The following CLSTN2 variants were observed in gnomAD, a reference collection of about 807,000 sequenced individuals.
The protein encoded by CLSTN2 is calsyntenin 2.
In CLSTN2, 48 loss-of-function variants were observed where a neutral mutation model predicts 101.2. The ratio of observed to expected loss-of-function variants is 0.47; its 90% confidence interval spans 0.38 to 0.60. The LOEUF (loss-of-function observed/expected upper bound fraction) is 0.60, where lower values mean the gene tolerates loss of function less well. CLSTN2 is among the 20% of genes least tolerant of loss of function. The pLI is 0.00. For synonymous variants in CLSTN2, 481 were observed against 463.6 expected (o/e 1.04, Z -0.48); for missense variants, 1,160 against 1,238.2 (o/e 0.94, Z 0.95).
chr3:139,958,431 ATTACT>A (rs1475870371), intron 1 of CLSTN2, among the ~76,000 whole-genome samples: 2 of 152,082 alleles, frequency 1.3e-5, no homozygotes, highest in Non-Finnish European at 2.9e-5. Context: ...TGCCTCAGTG[ATTACT>A]TTTCTTTTGA....
At chr3:140,139,227 G>A (rs554183160) in intron 1 of CLSTN2, among the ~76,000 whole-genome samples, 1 of 152,328 alleles carries the variant, frequency 6.6e-6, no homozygotes, top group East Asian at 1.9e-4. Flanking sequence ...TCTCAGCTCA[G>A]TTCCTGGCCT....
chr3:140,106,729 G>T (rs946274093), intron 1 of CLSTN2, among the ~76,000 whole-genome samples: 1 of 152,096 alleles, frequency 6.6e-6, no homozygotes, highest in African/African-American at 2.4e-5. Flanking sequence ...CAGAAGAAAG[G>T]CTGTCTACAA....
chr3:140,390,690 T>C (rs2088104827), intron 2 of CLSTN2, among the ~76,000 whole-genome samples: 1 of 152,248 alleles, frequency 6.6e-6, no homozygotes, highest in African/African-American at 2.4e-5. Context: ...GGAGTGTCTA[T>C]TTCTCCCTTT....
intron 2 of CLSTN2, among the ~76,000 whole-genome samples, chr3:140,270,867 A>G (rs543505833): frequency 2.0e-5 from 3 of 152,282 alleles, no homozygotes; most frequent in South Asian, 4.2e-4. Flanking sequence ...TGTGGCCCCA[A>G]GGGAAGACTT....
intron 1 of CLSTN2, among the ~76,000 whole-genome samples, chr3:140,030,491 T>A (rs1465310285): frequency 6.6e-6 from 1 of 152,134 alleles, no homozygotes; most frequent in African/African-American, 2.4e-5. Flanking sequence ...TTCCCTTTTT[T>A]AAAAATTAGT....
chr3:139,970,228 C>T (rs1935671434), intron 1 of CLSTN2, among the ~76,000 whole-genome samples: 1 of 152,070 alleles, frequency 6.6e-6, no homozygotes, highest in Non-Finnish European at 1.5e-5. Flanking sequence ...GGCTAACCTG[C>T]CTGAGTAAGT....
intron 1 of CLSTN2, among the ~76,000 whole-genome samples, chr3:140,016,367 T>G (rs955138193): frequency 1.3e-5 from 2 of 152,206 alleles, no homozygotes; most frequent in Admixed American, 6.5e-5. Flanking sequence ...TTAGAAAACA[T>G]CTGACGTGCT....
intron 1 of CLSTN2, among the ~76,000 whole-genome samples, chr3:140,101,318 T>G (rs2008961468): frequency 6.6e-6 from 1 of 152,216 alleles, no homozygotes. Context: ...CACCAAGCAG[T>G]AATAGTAATA....
rs187578661 is a variant in CLSTN2, at chr3:140,451,552, C to A, written c.973+2848C>A. On this transcript the variant is annotated intron_variant, in intron 6 of 16. Transcript: ENST00000458420. ...ATCAGTCCTGCCTCTACATTAGAAG[C>A]CTGGCTTTTGAACTGCACTGGAGGA... Among the ~76,000 whole-genome samples the A allele has an allele frequency of 1.8e-4, 27 of 152,238 alleles. No individual in the cohort carries two copies. The East Asian group carries it at 5.0e-3, about 28-fold the overall frequency.
intron 1 of CLSTN2, among the ~76,000 whole-genome samples, chr3:140,027,081 T>C (rs4683467): frequency 0.91 from 138,439 of 152,214 alleles, 64,157 homozygotes; most frequent in South Asian, 1. Flanking sequence ...AGACCTTTGA[T>C]CATATCAGCC....
chr3:140,073,981 C>A (rs1360008496), intron 1 of CLSTN2, among the ~76,000 whole-genome samples: 3 of 152,144 alleles, frequency 2.0e-5, no homozygotes, highest in African/African-American at 7.2e-5. Flanking sequence ...GGCTGAAGAG[C>A]ATGATGCCTT....
chr3:140,545,930 G>A (rs1367009016), intron 9 of CLSTN2, among the ~76,000 whole-genome samples: 2 of 152,224 alleles, frequency 1.3e-5, no homozygotes, highest in African/African-American at 2.4e-5. Flanking sequence ...GAGAAAGCCA[G>A]AGCTCATAAA....
chr3:139,964,249 G>A (rs1017718967), intron 1 of CLSTN2, among the ~76,000 whole-genome samples: 5 of 152,140 alleles, frequency 3.3e-5, no homozygotes, highest in African/African-American at 1.2e-4. Context: ...TTGGGTTCTG[G>A]CAGTGTCCTC....
chr3:140,247,780 T>A (rs1050979719), intron 2 of CLSTN2, among the ~76,000 whole-genome samples: 4 of 152,140 alleles, frequency 2.6e-5, no homozygotes, highest in African/African-American at 9.7e-5. Context: ...TTTGTCTCCT[T>A]ATGTGGCAAG....
chr3:140,416,865 T>G (rs77981027), intron 4 of CLSTN2, among the ~76,000 whole-genome samples: 3,878 of 152,324 alleles, frequency 0.025, 151 homozygotes, highest in African/African-American at 0.087. Context: ...TCAGCTGGGC[T>G]CTCTCTTTGA....
chr3:140,103,951 A>G (rs1450403353), intron 1 of CLSTN2, among the ~76,000 whole-genome samples: 1 of 152,242 alleles, frequency 6.6e-6, no homozygotes, highest in Non-Finnish European at 1.5e-5. Flanking sequence ...GAGAACTAGG[A>G]CATGATTGAT....
chr3:140,127,661 C>G (rs892282478), intron 1 of CLSTN2, among the ~76,000 whole-genome samples: 14 of 152,168 alleles, frequency 9.2e-5, no homozygotes, highest in African/African-American at 3.4e-4. Flanking sequence ...CAAAAAGTGA[C>G]TTCCTGCCCT....
chr3:140,195,172 T>A (rs1428602980), intron 2 of CLSTN2, among the ~76,000 whole-genome samples: 1 of 152,252 alleles, frequency 6.6e-6, no homozygotes, highest in East Asian at 1.9e-4. Flanking sequence ...ATGCCGTGTT[T>A]ATCTGAGTAG....
intron 1 of CLSTN2, among the ~76,000 whole-genome samples, chr3:140,086,243 TG>T (rs1345738995): frequency 4.6e-5 from 7 of 152,168 alleles, no homozygotes; most frequent in Non-Finnish European, 1.0e-4. Flanking sequence ...TAACGAATGC[TG>T]GGGTTGGTTA....
Sources: allele counts gnomAD v4.1 joint callset (sites outside exome capture counted in the v4.1 genomes callset), GRCh38; gene constraint gnomAD v4.1.1; transcripts MANE v1.5; gene names NCBI Gene and HGNC (gene_info 2026-07-23, HGNC 2026-07-21).